The following PCDHGA2 variants were observed in gnomAD, a reference collection of about 807,000 sequenced individuals.
PCDHGA2 encodes protocadherin gamma subfamily A, 2, also known as protocadherin gamma-A2.
A neutral mutation model predicts 59.2 loss-of-function variants in PCDHGA2; 40 were observed. That is an observed-to-expected ratio of 0.68 (90% confidence interval 0.52 to 0.88). The LOEUF (loss-of-function observed/expected upper bound fraction) is 0.88. Among genes scored for constraint, PCDHGA2 ranks in the 40% least tolerant of loss-of-function variants. PCDHGA2 has a pLI of 0.00. For missense variants in PCDHGA2, 1,226 were observed against 1,204.0 expected (o/e 1.02, Z -0.27); for synonymous variants, 560 against 526.0 (o/e 1.06, Z -0.89).
intron 1 of PCDHGA2, chr5:141,383,909 T>A: frequency 6.2e-7 from 1 of 1,613,856 alleles, no homozygotes; most frequent in Non-Finnish European, 8.5e-7. Context: ...CTGATCACAG[T>A]TTTAGATGTA....
rs752071139 is a variant in PCDHGA2 at position 141,422,722 on chromosome 5, G to A, written c.2425-72085G>A. ...CTCTCTGACGGATGACACTGTCCAG[G>A]GGGTGCCTCTGTCCTCCTATGTCTC... On this transcript the variant is annotated intron_variant, in intron 1 of 3. Coordinates refer to ENST00000394576, the MANE Select transcript of PCDHGA2 (RefSeq NM_018915.4). The A allele has an allele frequency of 2.4e-5, 39 of 1,605,774 alleles. No homozygotes were observed. In the South Asian group the frequency reaches 4.0e-4, roughly 17 times the overall value.
rs528172004 is a variant in PCDHGA2 at position 141,370,968 on chromosome 5, C to G, written c.2424+29573C>G. The G allele has an allele frequency of 1.1e-3, 1,752 of 1,613,966 alleles. 34 individuals are homozygous for G. In the South Asian group the frequency reaches 0.018, roughly 17 times the overall value. On this transcript the variant is annotated intron_variant, in intron 1 of 3. Coordinates refer to ENST00000394576, the MANE Select transcript of PCDHGA2 (RefSeq NM_018915.4). Reference sequence around the variant, plus strand: ...GGAGAACCTGGATGGCAGTAGGTACCCAGAGCTAGTACTGAAAGCACCCCT... The same window carrying G: ...GGAGAACCTGGATGGCAGTAGGTACGCAGAGCTAGTACTGAAAGCACCCCT...
chr5:141,468,801 A>G (rs949203275), intron 1 of PCDHGA2, among the ~76,000 whole-genome samples: 15 of 151,736 alleles, frequency 9.9e-5, no homozygotes, highest in South Asian at 2.1e-4. Context: ...GGGAGGCGGA[A>G]CTTGCAGTGA....
intron 1 of PCDHGA2, among the ~76,000 whole-genome samples, chr5:141,451,611 G>C (rs1004906441): frequency 6.6e-6 from 1 of 152,166 alleles, no homozygotes; most frequent in Admixed American, 6.5e-5. Context: ...GCTAGGCATG[G>C]TGGCTCAAAC....
intron 1 of PCDHGA2, chr5:141,399,420 C>T (rs1257006819): frequency 1.9e-6 from 3 of 1,614,034 alleles, no homozygotes; most frequent in Non-Finnish European, 2.5e-6. Flanking sequence ...TCTCCTCCAG[C>T]ATAAGCGTCA....
Position 141,489,072 on chromosome 5 carries a change from AC to A in PCDHGA2, c.2425-5730del. The A allele has an allele frequency of 6.3e-6, 1 of 157,708 alleles. No individual in the cohort carries two copies. The highest frequency in any genetic ancestry group is 1.2e-5 in the Non-Finnish European group (1 of 83,994). The allele number at this position is 157,708 out of a possible 1,614,324, so 9.8% of individuals were successfully genotyped here. On this transcript the variant is annotated intron_variant, in intron 1 of 3. Coordinates refer to ENST00000394576, the MANE Select transcript of PCDHGA2 (RefSeq NM_018915.4). This position sits in a 1 kb window ranked among gnomAD's most constrained non-coding sequence, Gnocchi z 4.5. ...AATTCAGCTCCCCTCCCCCCTGCCC[AC>A]CCCCGCCACTCGGTGACTAAGAACT...
chr5:141,347,083 C>G (rs1177646276), intron 1 of PCDHGA2, among the ~76,000 whole-genome samples: 1 of 149,142 alleles, frequency 6.7e-6, no homozygotes, highest in African/African-American at 2.5e-5. Flanking sequence ...CTCTCTCTTT[C>G]CTCCTTCCTT....
chr5:141,368,008 G>A (rs1189583179), intron 1 of PCDHGA2, among the ~76,000 whole-genome samples: 1 of 152,086 alleles, frequency 6.6e-6, no homozygotes, highest in African/African-American at 2.4e-5. Context: ...ATGAAATACT[G>A]GCCTATGTGC....
intron 1 of PCDHGA2, among the ~76,000 whole-genome samples, chr5:141,347,552 T>C (rs13357694): frequency 0.14 from 21,462 of 152,044 alleles, 2,076 homozygotes; most frequent in African/African-American, 0.28. Flanking sequence ...TTTGGGAGGC[T>C]GAGGCAGGTG....
At chr5:141,404,399 G>T (rs1269569845) in intron 1 of PCDHGA2, 2 of 1,613,778 alleles carry the variant, frequency 1.2e-6, no homozygotes, top group African/African-American at 1.3e-5. Context: ...TGATAGCAAT[G>T]AGAATTCTAG....
chr5:141,410,206 G>T (rs774541712), intron 1 of PCDHGA2: 2 of 1,614,026 alleles, frequency 1.2e-6, no homozygotes, highest in South Asian at 1.1e-5. Context: ...CAGACAACTT[G>T]CAAGAGATAC....
In PCDHGA2 at chr5:141,408,106, G is replaced by A. The variant is rs1474157141; in HGVS notation, c.2424+66711G>A. The A allele has an allele frequency of 8.3e-6, 12 of 1,444,288 alleles. No individual in the cohort carries two copies. In the East Asian group the frequency reaches 2.7e-4, roughly 33 times the overall value. 89.5% of individuals were successfully genotyped at this position (1,444,288 alleles called of 1,614,324 possible). On this transcript the variant is annotated intron_variant, in intron 1 of 3. Transcript: ENST00000394576. ...AGCGGATTGCCAGCTCCGAGACCCG[G>A]GACTCCTCCTGTCCTGGGCCGAATG...
chr5:141,414,009 TGGA>T (rs2095701451), intron 1 of PCDHGA2: 2 of 1,612,964 alleles, frequency 1.2e-6, no homozygotes, highest in Middle Eastern at 1.7e-4. Context: ...AAGGTGCCAA[TGGA>T]GAAGTGACAT....
In PCDHGA2 at chr5:141,403,434, A is replaced by C. The variant is rs774605332; in HGVS notation, c.2424+62039A>C. On this transcript the variant is annotated intron_variant, in intron 1 of 3. Transcript: ENST00000394576. ...CCACTTCCAGAAGCTATTGATCCGGATGTTGGCGTGAACTCCCTCCAGAGC... is the reference window on the plus strand; with the variant it reads ...CCACTTCCAGAAGCTATTGATCCGGCTGTTGGCGTGAACTCCCTCCAGAGC... The C allele has an allele frequency of 1.9e-6, 3 of 1,614,024 alleles. No individual in the cohort carries two copies. In the South Asian group the frequency reaches 3.3e-5, roughly 18 times the overall value.
At chr5:141,418,127 A>G in intron 1 of PCDHGA2, 1 of 1,614,104 alleles carries the variant, frequency 6.2e-7, no homozygotes, top group East Asian at 2.2e-5. Flanking sequence ...GAAGGACCGA[A>G]TAGACCGTGA....
In PCDHGA2 at chr5:141,389,615, G is replaced by A. The variant is rs552257647; in HGVS notation, c.2424+48220G>A. 11 of 1,612,972 alleles carry A rather than the reference G, an allele frequency of 6.8e-6. No individual in the cohort carries two copies. The African/African-American group carries it at 8.0e-5, about 12-fold the overall frequency. On this transcript the variant is annotated intron_variant, in intron 1 of 3. Transcript: ENST00000394576. ...GCTCTGCGCTCTTCGATATGGTGCC[G>A]CACGCTGCAGAGCCTGGCTACTTGG...
intron 1 of PCDHGA2, chr5:141,371,152 A>G (rs1767538477): frequency 9.3e-6 from 15 of 1,614,060 alleles, no homozygotes; most frequent in Non-Finnish European, 1.2e-5. Context: ...AATGTTGCAG[A>G]GAACCTGCCC....
intron 1 of PCDHGA2, chr5:141,388,301 G>C (rs1323976869): frequency 6.2e-7 from 1 of 1,613,606 alleles, no homozygotes; most frequent in African/African-American, 1.3e-5. Context: ...ATTCCTTTGA[G>C]CTGCAAATAA....
intron 1 of PCDHGA2, chr5:141,404,430 A>G (rs917902438): frequency 6.2e-7 from 1 of 1,613,298 alleles, no homozygotes; most frequent in African/African-American, 1.3e-5. Context: ...TCCTTGGCAG[A>G]GGATACCATC....
Sources: gnomAD v4.1 joint callset for allele counts (sites outside exome capture counted in the v4.1 genomes callset) on GRCh38, gnomAD v4.1.1 for gene constraint, Gnocchi (gnomAD v3.1) non-coding constraint, MANE v1.5 for transcripts, NCBI Gene and HGNC (gene_info 2026-07-23, HGNC 2026-07-21) for gene names.